The following RNF216 variants were observed in gnomAD, a reference collection of about 807,000 sequenced individuals.
The protein encoded by RNF216 is E3 ubiquitin-protein ligase RNF216.
In RNF216, 72 loss-of-function variants were observed where a neutral mutation model predicts 110.8. The ratio of observed to expected loss-of-function variants is 0.65; its 90% CI spans 0.54 to 0.79. The LOEUF (loss-of-function observed/expected upper bound fraction) is 0.79. RNF216 is among the 30% of genes least tolerant of loss of function. RNF216 has a pLI of 0.00. For synonymous variants in RNF216, 495 were observed against 407.5 expected, an observed-to-expected ratio of 1.21 and a Z score of -2.59; for missense variants, 1,342 against 1,141.2, an observed-to-expected ratio of 1.18 and a Z score of -2.54.
In RNF216 at chr7:5,771,971, C is replaced by T. The variant is rs575484349; in HGVS notation, c.-70+9570G>A. ...ACAAGGGGCCGGGCGTGGTGGCTCA[C>T]GCCTGTAATCCCAGCACTTTGGAAG... is the stretch of plus-strand genomic sequence containing the variant. On this transcript the variant is annotated intron_variant, in intron 1 of 16. Coordinates refer to ENST00000389902, the MANE Select transcript of RNF216 (RefSeq NM_207111.4). Among the ~76,000 whole-genome samples the T allele has an allele frequency of 4.0e-5, 6 of 151,842 alleles. No homozygotes were observed. The East Asian group carries it at 7.9e-4, about 20-fold the overall frequency.
intron 12 of RNF216, 52 bp downstream of exon 12, chr7:5,712,663 T>C: frequency 6.3e-7 from 1 of 1,596,554 alleles, no homozygotes; most frequent in South Asian, 1.1e-5. Flanking sequence ...GCCCAGGTAG[T>C]TTTCACAATG....
chr7:5,773,830 G>C lies in RNF216; in HGVS notation c.-70+7711C>G, dbSNP rs574905775. Among the ~76,000 whole-genome samples, 26 of 152,302 alleles carry C rather than the reference G, an allele frequency of 1.7e-4. No individual in the cohort carries two copies. In the East Asian group the frequency reaches 5.0e-3, roughly 29 times the overall value. On this transcript the variant is annotated intron_variant, in intron 1 of 16. Coordinates refer to ENST00000389902, the MANE Select transcript of RNF216 (RefSeq NM_207111.4). ...GATCTGCCTGCCTCAGCCTCCCAAA[G>C]TCCTGGGATAACAGGCGAGTCACCG...
intron 3 of RNF216, among the ~76,000 whole-genome samples, chr7:5,746,777 CAA>C (rs2128658721): frequency 6.6e-6 from 1 of 152,230 alleles, no homozygotes; most frequent in East Asian, 1.9e-4. Flanking sequence ...ACACAAGTGG[CAA>C]AACTTTACCA....
At chr7:5,753,746 C>A (rs1276600016) in intron 2 of RNF216, among the ~76,000 whole-genome samples, 11 of 152,134 alleles carry the variant, frequency 7.2e-5, no homozygotes, top group Non-Finnish European at 2.9e-5. Context: ...CCTGTAATCC[C>A]AGCACTTTGG....
intron 1 of RNF216, among the ~76,000 whole-genome samples, chr7:5,771,535 G>A (rs1327799470): frequency 1.3e-5 from 2 of 152,188 alleles, no homozygotes; most frequent in African/African-American, 2.4e-5. Context: ...AGTGGCTCAT[G>A]CCTGTAATCC....
chr7:5,751,013 TTTGGTTTTAG>T (rs1412617621), intron 3 of RNF216, among the ~76,000 whole-genome samples: 1 of 152,242 alleles, frequency 6.6e-6, no homozygotes. Flanking sequence ...TGTCTAGCTA[TTTGGTTTTAG>T]TTGGGGCCCT....
At chr7:5,740,104 CTTTTTTTTTTTTTTTTTTTTT>C (rs71004698) in intron 4 of RNF216, among the ~76,000 whole-genome samples, 4 of 118,500 alleles carry the variant, frequency 3.4e-5, no homozygotes, top group African/African-American at 1.4e-4. Flanking sequence ...GATGTAACAC[CTTTTTTTTTTTTTTTTTTTTT>C]TTTTTTTTTT....
At chr7:5,693,262 G>A (rs1337362261) in intron 13 of RNF216, among the ~76,000 whole-genome samples, 1 of 152,112 alleles carries the variant, frequency 6.6e-6, no homozygotes, top group African/African-American at 2.4e-5. Context: ...TAGGTAGCTG[G>A]GATAGATACC....
At chr7:5,776,916 A>AAGAG (rs1253038548) in intron 1 of RNF216, among the ~76,000 whole-genome samples, 8 of 147,524 alleles carry the variant, frequency 5.4e-5, no homozygotes, top group African/African-American at 2.0e-4. Flanking sequence ...AAAAAAAAAA[A>AAGAG]AGAGAGAGAG....
At chr7:5,706,659 G>T (rs1166962653) in intron 13 of RNF216, among the ~76,000 whole-genome samples, 1 of 152,196 alleles carries the variant, frequency 6.6e-6, no homozygotes, top group East Asian at 1.9e-4. Flanking sequence ...TGGCTACTGT[G>T]AATAATGCTG....
intron 1 of RNF216, among the ~76,000 whole-genome samples, chr7:5,766,017 C>T (rs187621978): frequency 2.6e-5 from 4 of 151,102 alleles, no homozygotes; most frequent in Non-Finnish European, 5.9e-5. Flanking sequence ...ATGGCTCACA[C>T]TTGTAATCCA....
At position 5,652,255 on chromosome 7, in the gene RNF216, A is replaced by C. The variant is rs560164826; in HGVS notation, c.2159+158T>G. On this transcript the variant is annotated intron_variant, in intron 14 of 16. Transcript: ENST00000389902. ...ACTCCATGAGGCTGCAGAGATGAGG[A>C]AACAGAGGCTCAAGGGTTAGATTAC... is the stretch of plus-strand genomic sequence containing the variant. Among the ~76,000 whole-genome samples the C allele has an allele frequency of 5.3e-5, 8 of 151,936 alleles. No individual in the cohort carries two copies. In the South Asian group the frequency reaches 1.7e-3, roughly 31 times the overall value.
At position 5,624,121 on chromosome 7, in the gene RNF216, T is replaced by A. The variant is rs1166341998; in HGVS notation, c.2387A>T (p.Asp796Val). 1 of 1,613,400 alleles carries A rather than the reference T, an allele frequency of 6.2e-7. No individual in the cohort carries two copies. The highest frequency in any genetic ancestry group is 1.1e-5 in the South Asian group (1 of 91,004). The change falls in exon 16 of 17, where the codon GAT becomes GTT. Residue 796 changes from aspartate (D) to valine (V), a missense_variant. By Grantham distance (152) the Asp-to-Val change is radical (BLOSUM62 -3). Coordinates refer to ENST00000389902, the MANE Select transcript of RNF216 (RefSeq NM_207111.4). The surrounding 1 kb of genome is among the most constrained non-coding windows in gnomAD (Gnocchi z 4.4). ...RCSLWTDPTEDDEKLIEEIQK... is the reference protein window; with the variant it reads ...RCSLWTDPTEVDEKLIEEIQK... ...GATTTCCTCAATAAGCTTCTCATCATCTTCCTAAAACGCAAGCAATGAGAA... is the reference window on the plus strand; with the variant it reads ...GATTTCCTCAATAAGCTTCTCATCAACTTCCTAAAACGCAAGCAATGAGAA...
At chr7:5,724,229 G>A (rs1239729670) in intron 8 of RNF216, among the ~76,000 whole-genome samples, 2 of 152,190 alleles carry the variant, frequency 1.3e-5, no homozygotes, top group East Asian at 1.9e-4. Context: ...CAGGGAAGAG[G>A]AGAAGGGCAG....
At chr7:5,736,693 A>G (rs1340387175) in intron 5 of RNF216, among the ~76,000 whole-genome samples, 1 of 147,284 alleles carries the variant, frequency 6.8e-6, no homozygotes, top group Non-Finnish European at 1.5e-5. Context: ...CTGCCGGGCC[A>G]CCCATCATCT....
At chr7:5,700,298 G>C (rs924255490) in intron 13 of RNF216, among the ~76,000 whole-genome samples, 2 of 152,176 alleles carry the variant, frequency 1.3e-5, no homozygotes, top group South Asian at 2.1e-4. Context: ...ATCACAATGA[G>C]ATCATGACAA....
intron 5 of RNF216, among the ~76,000 whole-genome samples, chr7:5,731,935 C>T (rs1176042866): frequency 2.6e-5 from 4 of 152,162 alleles, no homozygotes; most frequent in African/African-American, 7.2e-5. Context: ...CAGCCCCCGC[C>T]GGGGACCCAC....
Position 5,624,845 on chromosome 7 carries a change from C to T in RNF216, c.2383-720G>A, listed in dbSNP as rs1284698236. Among the ~76,000 whole-genome samples the T allele has an allele frequency of 6.6e-6, 1 of 152,242 alleles. No homozygotes were observed. Among genetic ancestry groups the T allele is most frequent in the Non-Finnish European group, 1.5e-5 (1 of 68,052 alleles). ...AAACTCAGGGGCCACACTGGGCAAGCCCCAGAGGTTGGGTTTTTGCCACAT... is the reference window on the plus strand; with the variant it reads ...AAACTCAGGGGCCACACTGGGCAAGTCCCAGAGGTTGGGTTTTTGCCACAT... On this transcript the variant is annotated intron_variant, in intron 15 of 16. Transcript: ENST00000389902. This position sits in a 1 kb window ranked among gnomAD's most constrained non-coding sequence, Gnocchi z 4.4.
At position 5,750,814 on chromosome 7, in the gene RNF216, C is replaced by G. The variant is rs142811519; in HGVS notation, c.201+2032G>C. Among the ~76,000 whole-genome samples the G allele has an allele frequency of 2.6e-5, 4 of 152,330 alleles. No individual in the cohort carries two copies. In the East Asian group the frequency reaches 7.7e-4, roughly 29 times the overall value. On this transcript the variant is annotated intron_variant, in intron 3 of 16. Transcript: ENST00000389902. ...GGACAACGTTGCAGTGAAAATTTCA[C>G]CATCAGTAGTAGCCTCTGCAGATAA...
Sources: allele counts gnomAD v4.1 joint callset (sites outside exome capture counted in the v4.1 genomes callset), GRCh38; gene constraint gnomAD v4.1.1; non-coding constraint Gnocchi (gnomAD v3.1); transcripts MANE v1.5; gene names NCBI Gene and HGNC (gene_info 2026-07-23, HGNC 2026-07-21).